Variants in FRMD1 observed in about 807,000 individuals in gnomAD.
The protein encoded by FRMD1 is FERM domain containing 1.
Under a neutral mutation model 54.9 loss-of-function variants are expected in FRMD1, and 51 were observed. The ratio of observed to expected loss-of-function variants is 0.93; its 90% CI spans 0.74 to 1.17. FRMD1 has a LOEUF of 1.17. Among genes scored for constraint, FRMD1 ranks in the 50% most tolerant of loss-of-function variants. FRMD1 has a pLI of 0.00. For synonymous variants in FRMD1, 324 were observed against 306.4 expected, an observed-to-expected ratio of 1.06 and a Z score of -0.60; for missense variants, 729 against 743.0, an observed-to-expected ratio of 0.98 and a Z score of 0.22.
intron 1 of FRMD1, among the ~76,000 whole-genome samples, chr6:168,092,170 G>T (rs1417773568): frequency 1.3e-5 from 2 of 152,266 alleles, no homozygotes; most frequent in Admixed American, 6.5e-5. Context: ...TGCCCCGTCT[G>T]CTCTGAGGCT....
At chr6:168,086,797 G>C (rs894242102) in intron 1 of FRMD1, among the ~76,000 whole-genome samples, 1 of 152,224 alleles carries the variant, frequency 6.6e-6, no homozygotes, top group Non-Finnish European at 1.5e-5. Context: ...TGGATGGCAC[G>C]ATGTTCCATG....
rs1397105471 is a variant in FRMD1, at chr6:168,059,810, T to A, written c.1343-622A>T. 6.6e-6 allele frequency among the ~76,000 whole-genome samples: 1 copy of A among 151,866 alleles called. No homozygotes were observed. Among genetic ancestry groups the A allele is most frequent in the East Asian group, 1.9e-4 (1 of 5,160 alleles). ...CATCCTGGGCCAGGTGCACACACAG[T>A]CCTACACACAGGGAATGGGCAGGGT... On this transcript the variant is annotated intron_variant, in intron 9 of 10. Coordinates refer to ENST00000283309, the MANE Select transcript of FRMD1 (RefSeq NM_024919.6). This position sits in a 1 kb window ranked among gnomAD's most constrained non-coding sequence, Gnocchi z 4.4.
Position 168,055,364 on chromosome 6 carries a change from CGTGTGTGCATGTAT to C in FRMD1, c.*1719_*1732del, listed in dbSNP as rs1453298679. On this transcript the variant is annotated 3_prime_UTR_variant, in exon 11 of 11. Transcript: ENST00000283309. Reference sequence around the variant, plus strand: ...GTGTGCATCTGTGTGCAGATGTGTGCGTGTGTGCATGTATGTGTGTGCATGCATGTGGATGTGTG... The same window carrying C: ...GTGTGCATCTGTGTGCAGATGTGTGCGTGTGTGCATGCATGTGGATGTGTG... The C allele has an allele frequency of 6.6e-6, 1 of 152,380 alleles. No individual in the cohort carries two copies. The highest frequency in any genetic ancestry group is 1.9e-4 in the East Asian group (1 of 5,178). 9.4% of individuals were successfully genotyped at this position (152,380 alleles called of 1,614,324 possible). A position where few individuals can be genotyped will look rare whatever the true frequency, so the allele number is the denominator to read the frequency against.
chr6:168,058,314 C>T (rs1258139014), intron 10 of FRMD1, among the ~76,000 whole-genome samples: 6 of 124,288 alleles, frequency 4.8e-5, no homozygotes, highest in African/African-American at 1.4e-4. Flanking sequence ...TGCAGCCTCT[C>T]GTGCCCAGCC....
chr6:168,078,518 C>A (rs1800689521), intron 1 of FRMD1, among the ~76,000 whole-genome samples: 2 of 151,680 alleles, frequency 1.3e-5, no homozygotes, highest in South Asian at 4.2e-4. Context: ...TCTGCTCACC[C>A]CATACCCCTG....
At chr6:168,067,248 A>G (rs1476344973) in intron 3 of FRMD1, 119 bp downstream of exon 3, 2 of 635,424 alleles carry the variant, frequency 3.1e-6, no homozygotes, top group Non-Finnish European at 5.6e-6. Flanking sequence ...CAACCCACGC[A>G]TCCCCGCGGT....
chr6:168,076,007 T>C (rs1421217653), intron 1 of FRMD1: 2 of 884,286 alleles, frequency 2.3e-6, no homozygotes, highest in African/African-American at 3.3e-5. Flanking sequence ...ACTTCACGCC[T>C]GTTCAGCCCC....
rs780902605 is a variant in FRMD1 at position 168,067,388 on chromosome 6, A to G, written c.363T>C (p.Asp121=). The change falls in exon 3 of 11, where the codon GAT becomes GAC. Residue 121 remains aspartate (D), a synonymous_variant. Coordinates refer to ENST00000283309, the MANE Select transcript of FRMD1 (RefSeq NM_024919.6). ...TTACTTCATTTCTTTCTTTCTTCCA[A>G]TCTTTTGAGAAGTACTTGCTGAGCT... ...EQKLSKYFSK[D]WKKERNEGNE... is the part of the protein sequence containing the mutation. 1.1e-5 allele frequency: 17 copies of G among 1,603,382 alleles called. No homozygotes were observed. The highest frequency in any genetic ancestry group is 2.7e-5 in the African/African-American group (2 of 74,498).
At chr6:168,081,341 A>G (rs534443321), upstream of FRMD1, 184 of 1,523,070 alleles carry the variant, frequency 1.2e-4, no homozygotes, top group South Asian at 1.9e-3. Context: ...CACTGACCCC[A>G]CCTCTGAATG....
intron 1 of FRMD1, among the ~76,000 whole-genome samples, chr6:168,078,188 C>G (rs1245375056): frequency 6.6e-6 from 1 of 152,022 alleles, no homozygotes; most frequent in African/African-American, 2.4e-5. Flanking sequence ...CAACTCCTGT[C>G]GCCATGAACT....
chr6:168,061,527 GGGA>G (rs1407498882), intron 8 of FRMD1, among the ~76,000 whole-genome samples: 1 of 152,262 alleles, frequency 6.6e-6, no homozygotes, highest in Admixed American at 6.5e-5. Flanking sequence ...GGCACATGAT[GGGA>G]GGAGAAGTGG....
chr6:168,087,344 A>G (rs115317472), intron 1 of FRMD1, among the ~76,000 whole-genome samples: 4,771 of 152,310 alleles, frequency 0.031, 236 homozygotes, highest in African/African-American at 0.11. Flanking sequence ...CTGGGATTAC[A>G]GGCATGAGCC....
upstream of FRMD1, chr6:168,081,502 G>T (rs777205045): frequency 1.3e-6 from 2 of 1,532,592 alleles, no homozygotes; most frequent in Non-Finnish European, 1.7e-6. Context: ...GTCCTCCTCG[G>T]CCCAACTCTC....
At chr6:168,084,134 G>A (rs1054596249), upstream of FRMD1, among the ~76,000 whole-genome samples, 7 of 152,152 alleles carry the variant, frequency 4.6e-5, no homozygotes, top group African/African-American at 1.7e-4. Flanking sequence ...GGCAGGTGGG[G>A]TGAAGGAGAA....
chr6:168,059,138 C>A lies in FRMD1; in HGVS notation c.1393G>T (p.Glu465Ter). The A allele has an allele frequency of 6.3e-7, 1 of 1,579,360 alleles. No individual in the cohort carries two copies. The highest frequency in any genetic ancestry group is 2.3e-5 in the East Asian group (1 of 43,634). Residue 465 changes from glutamate to a stop codon, truncating the protein, a stop_gained, in exon 10 of 11, where the codon GAG becomes TAG. Transcript: ENST00000283309. LOFTEE classifies it low-confidence loss of function (END_TRUNC). The surrounding 1 kb of genome is among the most constrained non-coding windows in gnomAD (Gnocchi z 4.4). ...TQVRTRGQSA[E>*]AVHQIQEMTA... The stretch of plus-strand genomic sequence containing the variant: ...GGGGACTCTACCTGGTGCACGGCCT[C>A]GGCGCTCTGGCCTCTGGTCCTGACC...
At chr6:168,057,510 C>A (rs560066609) in intron 10 of FRMD1, 171 bp from the exon 11 acceptor site, 1 of 877,750 alleles carries the variant, frequency 1.1e-6, no homozygotes, top group Non-Finnish European at 1.7e-6. Context: ...CACACCTCTG[C>A]GAGAGAGGCT....
At chr6:168,065,326 G>C in intron 4 of FRMD1, 2 of 1,252,650 alleles carry the variant, frequency 1.6e-6, no homozygotes, top group Non-Finnish European at 2.0e-6. Flanking sequence ...TCCTTCCCCA[G>C]TGAGCTTGGC....
At chr6:168,080,577 G>T (rs1206055132), upstream of FRMD1, among the ~76,000 whole-genome samples, 2 of 152,210 alleles carry the variant, frequency 1.3e-5, no homozygotes, top group African/African-American at 4.8e-5. Context: ...CAGTGCCGGC[G>T]TATCAGGAAG....
chr6:168,066,941 G>A (rs1203236177), intron 3 of FRMD1, 110 bp from the exon 4 acceptor site: 8 of 1,367,118 alleles, frequency 5.9e-6, no homozygotes, highest in South Asian at 3.9e-5. Flanking sequence ...GCTTAAAGTC[G>A]AAGCTCAGGT....
Sources: gnomAD v4.1 joint callset for allele counts (sites outside exome capture counted in the v4.1 genomes callset) on GRCh38, gnomAD v4.1.1 for gene constraint, Gnocchi (gnomAD v3.1) non-coding constraint, MANE v1.5 for transcripts, NCBI Gene and HGNC (gene_info 2026-07-23, HGNC 2026-07-21) for gene names.